SI: variants seen among roughly 807,000 people sequenced by gnomAD.
SI encodes sucrase-isomaltase.
In SI, 235 loss-of-function variants were observed where a neutral mutation model predicts 253.3. The ratio of observed to expected loss-of-function variants is 0.93; its 90% CI spans 0.83 to 1.03. The LOEUF (loss-of-function observed/expected upper bound fraction) is 1.03, where lower values mean the gene tolerates loss of function less well. SI is among the 50% of genes least tolerant of loss of function. The pLI, the probability that SI is intolerant of heterozygous loss-of-function variation, is 0.00. For synonymous variants in SI, 819 were observed against 712.0 expected, an observed-to-expected ratio of 1.15 and a Z score of -2.39; for missense variants, 2,442 against 2,211.1, an observed-to-expected ratio of 1.10 and a Z score of -2.09.
intron 14 of SI, 87 bp downstream of exon 14, chr3:165,049,704 A>C (rs1371505323): frequency 1.3e-6 from 1 of 784,010 alleles, no homozygotes; most frequent in African/African-American, 1.7e-5. Context: ...CAAAAATTGT[A>C]ATTTAGAAAT....
chr3:165,045,459 T>A (rs1713051906), intron 16 of SI, among the ~76,000 whole-genome samples: 1 of 152,018 alleles, frequency 6.6e-6, no homozygotes, highest in Non-Finnish European at 1.5e-5. Flanking sequence ...ATATTGCTTG[T>A]TTTTCCTTCT....
rs1478188048 is a variant in SI, at chr3:165,023,726, G to A, written c.2943C>T (p.Asn981=). 1.2e-6 allele frequency: 2 copies of A among 1,610,510 alleles called. No homozygotes were observed. The highest frequency in any genetic ancestry group is 2.7e-5 in the African/African-American group (2 of 74,634). The stretch of plus-strand genomic sequence containing the variant: ...AGCGAGCTGAGTTGACTGAATAAGA[G>A]TTATCTTGTCTGGGAAAGTAACACT... ...APECYFPRQD[N]SYSVNSARYS... Residue 981 remains asparagine (N), a synonymous_variant, in exon 26 of 48, where the codon AAC becomes AAT. Coordinates refer to ENST00000264382, the MANE Select transcript of SI (RefSeq NM_001041.4).
chr3:165,013,479 A>C (rs1718866122), intron 33 of SI, among the ~76,000 whole-genome samples: 1 of 152,102 alleles, frequency 6.6e-6, no homozygotes, highest in African/African-American at 2.4e-5. Flanking sequence ...ATGCTGAATC[A>C]AACATCCCAG....
Position 165,007,907 on chromosome 3 carries a change from G to C in SI, c.4267+4C>G. 6.6e-7 allele frequency: 1 copy of C among 1,507,702 alleles called. No individual in the cohort carries two copies. The highest frequency in any genetic ancestry group is 9.2e-7 in the Non-Finnish European group (1 of 1,086,170). The allele number at this position is 1,507,702 out of a possible 1,614,324, so 93.4% of individuals were successfully genotyped here. ...ATATCAAAGGCATACCAACAATATT[G>C]TACCTGGGAAATAAGGTGGATAATT... On this transcript the variant is annotated splice_donor_region_variant and intron_variant, in intron 36 of 47. Coordinates refer to ENST00000264382, the MANE Select transcript of SI (RefSeq NM_001041.4).
the SI span, among the ~76,000 whole-genome samples, chr3:165,089,594 A>T: frequency 6.6e-6 from 1 of 152,144 alleles, no homozygotes; most frequent in East Asian, 1.9e-4. Flanking sequence ...TTCTTTGACA[A>T]CATCACCCCA....
chr3:165,036,503 A>G (rs757262872), intron 21 of SI, 26 bp from the exon 22 acceptor site: 2 of 1,486,360 alleles, frequency 1.3e-6, no homozygotes, highest in South Asian at 2.3e-5. Flanking sequence ...AGGTGCATAT[A>G]TGGTTAAAAA....
chr3:164,980,310 G>T (rs2108104821), intron 47 of SI, among the ~76,000 whole-genome samples: 1 of 151,902 alleles, frequency 6.6e-6, no homozygotes, highest in Non-Finnish European at 1.5e-5. Context: ...GATCCATCTT[G>T]TAACAAAACT....
rs913292664 is a variant in SI at position 165,075,889 on chromosome 3, A to G, written c.118+6T>C. On this transcript the variant is annotated splice_donor_region_variant and intron_variant, in intron 2 of 47. Transcript: ENST00000264382. ...AATGTAGCCATGCTTTTAATGTACT[A>G]CTTACCATCAACAGCAGGTGTCTTA... 3 of 1,454,986 alleles carry G rather than the reference A, an allele frequency of 2.1e-6. No individual in the cohort carries two copies. Among genetic ancestry groups the G allele is most frequent in the Admixed American group, 1.7e-5 (1 of 59,546 alleles). The allele number at this position is 1,454,986 out of a possible 1,614,324, so 90.1% of individuals were successfully genotyped here. A position where few individuals can be genotyped will look rare whatever the true frequency, so the allele number is the denominator to read the frequency against.
At chr3:165,041,975 T>G (rs1294615747) in intron 17 of SI, among the ~76,000 whole-genome samples, 1 of 152,088 alleles carries the variant, frequency 6.6e-6, no homozygotes, top group Non-Finnish European at 1.5e-5. Context: ...TGGTTAGAAC[T>G]AGGCGCAATT....
intron 1 of SI, among the ~76,000 whole-genome samples, chr3:165,078,045 T>C (rs1310761812): frequency 2.6e-5 from 4 of 151,558 alleles, no homozygotes; most frequent in African/African-American, 7.2e-5. Flanking sequence ...CAGTAATGTT[T>C]TATAAATGTA....
chr3:164,992,427 T>G, intron 41 of SI, 30 bp from the exon 42 acceptor site: 1 of 1,395,380 alleles, frequency 7.2e-7, no homozygotes, highest in Non-Finnish European at 1.0e-6. Context: ...ATAATTAAAT[T>G]AAAACAAATA....
In SI at chr3:165,038,826, A is replaced by T. The variant is rs552172379; in HGVS notation, c.2301+252T>A. Among the ~76,000 whole-genome samples, 4 of 152,200 alleles carry T rather than the reference A, an allele frequency of 2.6e-5. No homozygotes were observed. In the East Asian group the frequency reaches 5.8e-4, roughly 22 times the overall value. Reference sequence around the variant, plus strand: ...TGCTAACCTTTTATTTCCAAAATTTAAAAATAAATAATATCTCTTTATGCT... The same window carrying T: ...TGCTAACCTTTTATTTCCAAAATTTTAAAATAAATAATATCTCTTTATGCT... On this transcript the variant is annotated intron_variant, in intron 20 of 47. Coordinates refer to ENST00000264382, the MANE Select transcript of SI (RefSeq NM_001041.4).
At chr3:165,060,447 T>G (rs1713930619) in intron 9 of SI, among the ~76,000 whole-genome samples, 1 of 152,012 alleles carries the variant, frequency 6.6e-6, no homozygotes, top group South Asian at 2.1e-4. Flanking sequence ...TGTTTAAAAG[T>G]ACAGAATTTC....
intron 12 of SI, among the ~76,000 whole-genome samples, chr3:165,056,601 C>T (rs915818313): frequency 1.3e-5 from 2 of 152,106 alleles, no homozygotes; most frequent in African/African-American, 4.8e-5. Flanking sequence ...TGTGCACTTT[C>T]TGAAGGGAGA....
At chr3:165,086,823 G>C in the SI span, among the ~76,000 whole-genome samples, 1 of 152,182 alleles carries the variant, frequency 6.6e-6, no homozygotes, top group African/African-American at 2.4e-5. Context: ...GTAATGAATT[G>C]CTAAAGCTGA....
chr3:165,008,863 T>C (rs1052919670), intron 35 of SI, among the ~76,000 whole-genome samples: 21 of 151,814 alleles, frequency 1.4e-4, no homozygotes, highest in African/African-American at 4.3e-4. Context: ...TTATTAAAAA[T>C]CTTACTACTA....
intron 17 of SI, 119 bp from the exon 18 acceptor site, chr3:165,041,213 A>G: frequency 3.7e-6 from 3 of 809,882 alleles, no homozygotes. Flanking sequence ...TTTATGAGAA[A>G]TTAAAATTAT....
intron 23 of SI, 97 bp downstream of exon 23, chr3:165,033,298 C>T: frequency 9.5e-7 from 1 of 1,050,958 alleles, no homozygotes; most frequent in Non-Finnish European, 1.3e-6. Flanking sequence ...AATCTGTAGG[C>T]AAATGTAAAC....
At chr3:165,030,597 T>C (rs1341908283) in intron 25 of SI, 115 bp downstream of exon 25, 3 of 1,083,766 alleles carry the variant, frequency 2.8e-6, no homozygotes, top group African/African-American at 1.6e-5. Flanking sequence ...TTCCAAATGA[T>C]TATCTACTTG....
Sources: allele counts gnomAD v4.1 joint callset (sites outside exome capture counted in the v4.1 genomes callset), GRCh38; gene constraint gnomAD v4.1.1; transcripts MANE v1.5; gene names NCBI Gene and HGNC (gene_info 2026-07-23, HGNC 2026-07-21).